Variants in MDN1 observed in about 807,000 individuals in gnomAD.
MDN1 encodes midasin.
MDN1 carries 266 observed loss-of-function variants against 669.2 expected under a neutral mutation model. The observed-to-expected ratio is 0.40, with a 90% CI of 0.36 to 0.44. The LOEUF (loss-of-function observed/expected upper bound fraction) is 0.44. MDN1 is among the 20% of genes least tolerant of loss of function. The probability of loss-of-function intolerance (pLI) is 1.00; values close to 1 mark genes in which losing one functional copy is unlikely to be tolerated. For synonymous variants in MDN1, 2,385 were observed against 2,457.1 expected (o/e 0.97, Z 0.87); for missense variants, 5,940 against 6,754.0 (o/e 0.88, Z 4.22).
At chr6:89,796,644 G>C (rs1201899495) in intron 2 of MDN1, among the ~76,000 whole-genome samples, 2 of 152,170 alleles carry the variant, frequency 1.3e-5, no homozygotes, top group Non-Finnish European at 2.9e-5. Flanking sequence ...GCGAGGCTAT[G>C]GATGTGTGGG....
chr6:89,734,747 G>A (rs1380847367), intron 33 of MDN1, among the ~76,000 whole-genome samples: 1 of 149,186 alleles, frequency 6.7e-6, no homozygotes, highest in Non-Finnish European at 1.5e-5. Flanking sequence ...TGGCATGCAG[G>A]CACATTCACT....
At chr6:89,806,623 C>A (rs1041912125) in intron 1 of MDN1, among the ~76,000 whole-genome samples, 1 of 152,016 alleles carries the variant, frequency 6.6e-6, no homozygotes, top group Non-Finnish European at 1.5e-5. Context: ...GAGGCTGGGG[C>A]AGGAAAACGG....
At chr6:89,710,643 CAA>C (rs569901305) in intron 50 of MDN1, 36 bp downstream of exon 50, 21 of 1,245,910 alleles carry the variant, frequency 1.7e-5, no homozygotes, top group Non-Finnish European at 2.3e-5. Context: ...GATAAGTTTC[CAA>C]AACAGTGCTG....
chr6:89,696,553 G>C lies in MDN1; in HGVS notation c.9190C>G (p.Pro3064Ala), dbSNP rs747114646. 2 of 1,613,990 alleles carry C rather than the reference G, an allele frequency of 1.2e-6. No individual in the cohort carries two copies. The highest frequency in any genetic ancestry group is 2.2e-5 in the South Asian group (2 of 91,072). ...TLKGPGNLNR[P>A]IFSKCCFEVL... ...TCAAAGCAGCACTTAGAGAATATGG[G>C]TCTATTGAGATTGCCGGGGCCCTAA... Residue 3064 changes from proline to alanine, a missense_variant, in exon 60 of 102, where the codon CCC (proline) becomes GCC (alanine). Coordinates refer to ENST00000369393, the MANE Select transcript of MDN1 (RefSeq NM_014611.3).
chr6:89,770,432 T>C (rs1257948277), intron 15 of MDN1, among the ~76,000 whole-genome samples: 1 of 150,436 alleles, frequency 6.6e-6, no homozygotes, highest in Admixed American at 6.6e-5. Context: ...AAGGTAAATA[T>C]ATACAGCAGT....
At chr6:89,725,143 G>T (rs889134904) in intron 38 of MDN1, 56 bp downstream of exon 38, 91 of 1,493,166 alleles carry the variant, frequency 6.1e-5, no homozygotes, top group African/African-American at 5.7e-4. Context: ...CTTCATAATA[G>T]TAGTCTTATC....
At chr6:89,671,218 T>A in intron 82 of MDN1, 138 bp from the exon 83 acceptor site, 1 of 913,362 alleles carries the variant, frequency 1.1e-6, no homozygotes, top group Non-Finnish European at 1.6e-6. Flanking sequence ...TACATGTATG[T>A]GTTTGTAACC....
chr6:89,672,305 C>T lies in MDN1; in HGVS notation c.13689G>A (p.Trp4563Ter). The T allele has an allele frequency of 1.9e-6, 3 of 1,613,354 alleles. No homozygotes were observed. Among genetic ancestry groups the T allele is most frequent in the Non-Finnish European group, 2.5e-6 (3 of 1,179,866 alleles). ...HLTKLLEDDF[W>*]ADVSTLHVQK... ...GCACGTGCAAAGTGCTCACATCGGCCCAGAAGTCATCCTCTAAGAGTTTTG... is the reference window on the plus strand; with the variant it reads ...GCACGTGCAAAGTGCTCACATCGGCTCAGAAGTCATCCTCTAAGAGTTTTG... The change falls in exon 82 of 102, where the codon TGG (tryptophan) becomes TGA (stop). Residue 4563 changes from tryptophan to a stop codon, truncating the protein, a stop_gained. Transcript: ENST00000369393. LOFTEE classifies it high-confidence loss of function.
intron 27 of MDN1, among the ~76,000 whole-genome samples, chr6:89,746,618 A>AGAAG (rs1345270123): frequency 0.054 from 568 of 10,546 alleles, 20 homozygotes; most frequent in African/African-American, 0.15. Flanking sequence ...AAAAAAAGAA[A>AGAAG]GAAAGAAAGA....
chr6:89,660,656 C>A (rs1809676591), intron 88 of MDN1, among the ~76,000 whole-genome samples: 1 of 151,140 alleles, frequency 6.6e-6, no homozygotes, highest in Admixed American at 6.6e-5. Flanking sequence ...TTGTTTGCAA[C>A]TAGATTCCAA....
chr6:89,645,062 C>T lies in MDN1; in HGVS notation c.16555G>A (p.Ala5519Thr). The change falls in exon 101 of 102, where the codon GCA (alanine) becomes ACA (threonine). Residue 5519 changes from alanine to threonine, a missense_variant. By Grantham distance (58) the Ala-to-Thr change is moderately conservative (BLOSUM62 0). Transcript: ENST00000369393. ...ACAACAAAGATGACAAAGATATTTG[C>T]ATTCCGGGCAGCCTGAACTGCTGCC... The part of the protein sequence containing the change: ...VLAAVQAARN[A>T]NIFVIFVVLD... The T allele has an allele frequency of 6.2e-7, 1 of 1,610,036 alleles. No individual in the cohort carries two copies.
At chr6:89,732,476 G>A (rs1815661194) in intron 34 of MDN1, 81 bp downstream of exon 34, 3 of 1,164,956 alleles carry the variant, frequency 2.6e-6, no homozygotes, top group African/African-American at 3.1e-5. Flanking sequence ...TAAAATAGCT[G>A]GGTCAGAGGC....
Position 89,738,329 on chromosome 6 carries a change from T to C in MDN1, c.4720A>G (p.Lys1574Glu), listed in dbSNP as rs771873077. 6.2e-7 allele frequency: 1 copy of C among 1,613,748 alleles called. No homozygotes were observed. The highest frequency in any genetic ancestry group is 1.3e-5 in the African/African-American group (1 of 74,926). ...ATCACCACCTGCAAACTCTCACCTT[T>C]AGGATCTATTCTGCCCAGACACAAT... ...PGLCLGRIDP[K>E]GSDIPEVMLD... The change falls in exon 33 of 102, where the codon AAA becomes GAA. Residue 1574 changes from lysine to glutamate, a missense_variant. Around this residue, in one of 5 missense-constraint regions of MDN1, gnomAD observed 2,292 missense variants for 2,638.3 expected, o/e 0.87. Transcript: ENST00000369393.
intron 1 of MDN1, 24 bp downstream of exon 1, chr6:89,819,482 T>C (rs773077623): frequency 2.5e-6 from 4 of 1,598,858 alleles, no homozygotes; most frequent in Non-Finnish European, 3.4e-6. Context: ...GTTCCGGCGC[T>C]TTCCCTCTCC....
At chr6:89,760,470 T>C (rs1817484454) in intron 17 of MDN1, among the ~76,000 whole-genome samples, 1 of 152,140 alleles carries the variant, frequency 6.6e-6, no homozygotes, top group African/African-American at 2.4e-5. Context: ...GCAATCTCAC[T>C]TCCAGGTATT....
intron 31 of MDN1, among the ~76,000 whole-genome samples, chr6:89,742,461 G>A (rs1816343860): frequency 1.3e-5 from 2 of 152,096 alleles, no homozygotes; most frequent in African/African-American, 4.8e-5. Context: ...GCTGATTTGA[G>A]TAATAAACTC....
intron 30 of MDN1, 91 bp downstream of exon 30, chr6:89,743,485 C>T: frequency 2.0e-6 from 3 of 1,484,390 alleles, no homozygotes; most frequent in Non-Finnish European, 2.7e-6. Context: ...TTTAACCAAA[C>T]CAGAACCCAG....
chr6:89,770,993 TG>T (rs1818051918), intron 15 of MDN1, among the ~76,000 whole-genome samples: 1 of 152,250 alleles, frequency 6.6e-6, no homozygotes, highest in African/African-American at 2.4e-5. Flanking sequence ...TTGCTGTGGT[TG>T]GGGGGTAAGG....
chr6:89,686,816 G>A (rs1159837516), intron 69 of MDN1, 86 bp downstream of exon 69: 2 of 1,529,768 alleles, frequency 1.3e-6, no homozygotes, highest in African/African-American at 2.8e-5. Context: ...AGCGGGAGAA[G>A]CGGGAGCAGG....
Sources: allele counts gnomAD v4.1 joint callset (sites outside exome capture counted in the v4.1 genomes callset), GRCh38; gene constraint gnomAD v4.1.1; regional missense constraint gnomAD v4.1.1; transcripts MANE v1.5; gene names NCBI Gene and HGNC (gene_info 2026-07-23, HGNC 2026-07-21).